RALGAPA2: variants seen among roughly 807,000 people sequenced by gnomAD.
The protein encoded by RALGAPA2 is ral GTPase-activating protein subunit alpha-2.
Under a neutral mutation model 230.4 loss-of-function variants are expected in RALGAPA2, and 139 were observed. The ratio of observed to expected loss-of-function variants is 0.60; its 90% CI spans 0.53 to 0.69. RALGAPA2 has a LOEUF of 0.69. RALGAPA2 is among the 30% of genes least tolerant of loss of function. The probability of loss-of-function intolerance (pLI) is 0.00; values close to 1 mark genes in which losing one functional copy is unlikely to be tolerated. For synonymous variants in RALGAPA2, 847 were observed against 837.8 expected, an observed-to-expected ratio of 1.01 and a Z score of -0.19; for missense variants, 2,163 against 2,276.0, an observed-to-expected ratio of 0.95 and a Z score of 1.01.
At chr20:20,508,726 T>C (rs757729324) in intron 33 of RALGAPA2, among the ~76,000 whole-genome samples, 2 of 152,224 alleles carry the variant, frequency 1.3e-5, no homozygotes, top group African/African-American at 4.8e-5. Context: ...CTGACCAAAA[T>C]ACAGGGCAGT....
chr20:20,495,059 CA>C (rs1227428343), intron 36 of RALGAPA2, 57 bp downstream of exon 36: 2 of 1,409,126 alleles, frequency 1.4e-6, no homozygotes, highest in African/African-American at 2.8e-5. Flanking sequence ...TTTTCAATGA[CA>C]ATGAATCACA....
chr20:20,564,625 C>G (rs1005562392), intron 23 of RALGAPA2, among the ~76,000 whole-genome samples: 1 of 152,178 alleles, frequency 6.6e-6, no homozygotes, highest in African/African-American at 2.4e-5. Context: ...ATCAGAGGAT[C>G]TAAGAATGCT....
chr20:20,420,255 G>A (rs1202412928), intron 37 of RALGAPA2, among the ~76,000 whole-genome samples: 2 of 152,146 alleles, frequency 1.3e-5, no homozygotes, highest in Non-Finnish European at 1.5e-5. Flanking sequence ...AGGCCCGAAT[G>A]GCTTGAGGCA....
intron 31 of RALGAPA2, among the ~76,000 whole-genome samples, chr20:20,514,890 C>T (rs916974204): frequency 6.6e-6 from 1 of 152,196 alleles, no homozygotes; most frequent in Non-Finnish European, 1.5e-5. Flanking sequence ...AGTTTAGGTG[C>T]CCCTCTGCCT....
At chr20:20,396,035 C>T (rs1378707595) in intron 39 of RALGAPA2, among the ~76,000 whole-genome samples, 1 of 152,228 alleles carries the variant, frequency 6.6e-6, no homozygotes, top group Non-Finnish European at 1.5e-5. Context: ...ACAGCCTTGC[C>T]AAGGCGGCTG....
intron 18 of RALGAPA2, among the ~76,000 whole-genome samples, chr20:20,587,444 C>T (rs2065165424): frequency 6.6e-6 from 1 of 151,994 alleles, no homozygotes; most frequent in Non-Finnish European, 1.5e-5. Context: ...ATAAATGGGA[C>T]CTGACACAAG....
At chr20:20,502,790 C>CT (rs1388687779) in intron 35 of RALGAPA2, among the ~76,000 whole-genome samples, 1 of 152,192 alleles carries the variant, frequency 6.6e-6, no homozygotes, top group Non-Finnish European at 1.5e-5. Flanking sequence ...TAGAGGCTTC[C>CT]TTCCCAGAGT....
intron 1 of RALGAPA2, among the ~76,000 whole-genome samples, chr20:20,706,470 A>G (rs1370977001): frequency 1.3e-5 from 2 of 152,218 alleles, no homozygotes; most frequent in African/African-American, 4.8e-5. Flanking sequence ...CTAGTTGTAG[A>G]ATGTCCACGT....
At chr20:20,621,023 C>T (rs563087440) in intron 10 of RALGAPA2, among the ~76,000 whole-genome samples, 48 of 151,830 alleles carry the variant, frequency 3.2e-4, no homozygotes, top group Non-Finnish European at 6.3e-4. Flanking sequence ...TGCCTGTAAT[C>T]CCAGCTACTC....
At chr20:20,672,788 T>C (rs1290293735) in intron 3 of RALGAPA2, among the ~76,000 whole-genome samples, 3 of 152,184 alleles carry the variant, frequency 2.0e-5, no homozygotes, top group Non-Finnish European at 4.4e-5. Context: ...CTATAAAACA[T>C]ATGAATCCAG....
chr20:20,602,167 T>C (rs1165007856), intron 15 of RALGAPA2, among the ~76,000 whole-genome samples: 1 of 152,224 alleles, frequency 6.6e-6, no homozygotes, highest in Non-Finnish European at 1.5e-5. Context: ...AATGAAGTTA[T>C]ACTACTGTTC....
intron 3 of RALGAPA2, among the ~76,000 whole-genome samples, chr20:20,654,102 A>T (rs2067501134): frequency 6.6e-6 from 1 of 152,258 alleles, no homozygotes; most frequent in South Asian, 2.1e-4. Context: ...GGCCAAAAAA[A>T]CTAATAAGTT....
At chr20:20,687,808 C>A (rs1018038007) in intron 1 of RALGAPA2, among the ~76,000 whole-genome samples, 3 of 152,078 alleles carry the variant, frequency 2.0e-5, no homozygotes, top group African/African-American at 7.2e-5. Context: ...GAAGAGATAC[C>A]CCCAAGTATA....
At chr20:20,520,150 A>G (rs1406676754) in intron 31 of RALGAPA2, among the ~76,000 whole-genome samples, 1 of 152,214 alleles carries the variant, frequency 6.6e-6, no homozygotes. Context: ...AACATCTTGC[A>G]TACCTATAGG....
At chr20:20,622,006 C>T (rs939721463) in intron 10 of RALGAPA2, among the ~76,000 whole-genome samples, 2 of 152,192 alleles carry the variant, frequency 1.3e-5, no homozygotes, top group South Asian at 4.1e-4. Flanking sequence ...TTTAACAAAG[C>T]TTCATGCAAT....
intron 33 of RALGAPA2, among the ~76,000 whole-genome samples, chr20:20,507,033 C>T (rs932133715): frequency 3.3e-5 from 5 of 152,210 alleles, no homozygotes; most frequent in African/African-American, 7.2e-5. Context: ...TTTTAGGATA[C>T]ACTTTTGCAT....
chr20:20,617,574 T>C (rs1427398533), intron 12 of RALGAPA2, among the ~76,000 whole-genome samples: 1 of 152,226 alleles, frequency 6.6e-6, no homozygotes, highest in Non-Finnish European at 1.5e-5. Flanking sequence ...TTAAAAACTT[T>C]TTGCACATTC....
chr20:20,462,609 CCCTTT>C (rs1471323877), intron 37 of RALGAPA2, among the ~76,000 whole-genome samples: 1 of 152,182 alleles, frequency 6.6e-6, no homozygotes, highest in East Asian at 1.9e-4. Flanking sequence ...AGAAAGGACA[CCCTTT>C]CAAGGCTAAC....
chr20:20,644,535 G>A (rs1022479251), intron 4 of RALGAPA2, among the ~76,000 whole-genome samples: 14 of 152,142 alleles, frequency 9.2e-5, no homozygotes, highest in Admixed American at 2.0e-4. Context: ...CTGGCAATCC[G>A]AAGGAACCTT....
Sources: gnomAD v4.1 joint callset for allele counts (sites outside exome capture counted in the v4.1 genomes callset) on GRCh38, gnomAD v4.1.1 for gene constraint, MANE v1.5 for transcripts, NCBI Gene and HGNC (gene_info 2026-07-23, HGNC 2026-07-21) for gene names.